GPM6A: variants seen among roughly 807,000 people sequenced by gnomAD.
GPM6A encodes neuronal membrane glycoprotein M6-a.
A neutral mutation model predicts 32.1 loss-of-function variants in GPM6A; 7 were observed. The ratio of observed to expected loss-of-function variants is 0.22; its 90% CI spans 0.12 to 0.41. GPM6A has a LOEUF of 0.41. GPM6A is among the 10% of genes least tolerant of loss of function. The pLI is 1.00. For missense variants in GPM6A, 235 were observed against 347.2 expected, an observed-to-expected ratio of 0.68 and a Z score of 2.57; for synonymous variants, 130 against 123.4, an observed-to-expected ratio of 1.05 and a Z score of -0.35.
At chr4:175,708,793 A>G (rs1745361443) in intron 1 of GPM6A, among the ~76,000 whole-genome samples, 3 of 152,186 alleles carry the variant, frequency 2.0e-5, no homozygotes, top group Non-Finnish European at 4.4e-5. Flanking sequence ...CAATATGTTA[A>G]TGAATGTCTT....
At chr4:175,703,874 A>G (rs190706980) in intron 1 of GPM6A, among the ~76,000 whole-genome samples, 34 of 152,134 alleles carry the variant, frequency 2.2e-4, no homozygotes, top group African/African-American at 7.2e-4. Context: ...ACACACACAT[A>G]TCCTCATTCC....
intron 2 of GPM6A, among the ~76,000 whole-genome samples, chr4:175,679,320 A>G (rs747693891): frequency 1.3e-5 from 2 of 152,138 alleles, no homozygotes; most frequent in Non-Finnish European, 2.9e-5. Flanking sequence ...TGGCTAGAAT[A>G]CTATACAAGC....
intron 4 of GPM6A, among the ~76,000 whole-genome samples, chr4:175,648,981 C>T (rs1341612136): frequency 6.6e-6 from 1 of 152,216 alleles, no homozygotes; most frequent in African/African-American, 2.4e-5. Context: ...ATCCTTTATT[C>T]TGTCTACTTA....
At chr4:175,959,539 A>C (rs1180133471) in intron 1 of GPM6A, among the ~76,000 whole-genome samples, 1 of 152,176 alleles carries the variant, frequency 6.6e-6, no homozygotes, top group Non-Finnish European at 1.5e-5. Context: ...GGATGAGAAG[A>C]GCATCAGAGC....
chr4:175,949,015 A>G (rs112881056), intron 1 of GPM6A, among the ~76,000 whole-genome samples: 5 of 143,932 alleles, frequency 3.5e-5, no homozygotes, highest in African/African-American at 5.0e-5. Flanking sequence ...TGGTGGAGGG[A>G]TGAGGTAGAT....
chr4:175,992,834 A>G (rs1276889063), intron 1 of GPM6A, among the ~76,000 whole-genome samples: 2 of 152,230 alleles, frequency 1.3e-5, no homozygotes, highest in Non-Finnish European at 2.9e-5. Flanking sequence ...ATACTGTATT[A>G]TATCACAATT....
At chr4:175,800,144 A>G (rs1734417269) in intron 1 of GPM6A, among the ~76,000 whole-genome samples, 1 of 152,164 alleles carries the variant, frequency 6.6e-6, no homozygotes, top group Non-Finnish European at 1.5e-5. Context: ...AATAATTCCA[A>G]TAACTGTATA....
upstream of GPM6A, chr4:175,812,929 T>G: frequency 1.0e-6 from 1 of 985,408 alleles, no homozygotes; most frequent in Non-Finnish European, 1.2e-6. Context: ...CTGCAAAAGT[T>G]TATTACTAAG....
At chr4:175,732,796 T>C (rs774313141) in intron 1 of GPM6A, among the ~76,000 whole-genome samples, 1 of 152,224 alleles carries the variant, frequency 6.6e-6, no homozygotes, top group Non-Finnish European at 1.5e-5. Context: ...CTCAGAGAAA[T>C]ATTATGATAT....
At chr4:175,936,012 A>T (rs1210513805) in intron 1 of GPM6A, among the ~76,000 whole-genome samples, 1 of 151,968 alleles carries the variant, frequency 6.6e-6, no homozygotes, top group African/African-American at 2.4e-5. Context: ...AAAATAAAAA[A>T]AATTAAAAAA....
chr4:175,640,063 A>G, intron 6 of GPM6A, 66 bp downstream of exon 6: 1 of 1,221,656 alleles, frequency 8.2e-7, no homozygotes, highest in East Asian at 2.3e-5. Flanking sequence ...ATAGTTTATC[A>G]TCTCTACAAG....
chr4:175,947,657 T>C (rs1227653048), intron 1 of GPM6A: 1 of 152,128 alleles, frequency 6.6e-6, no homozygotes. Context: ...CATTTGTTTC[T>C]CCAGATGAAT....
chr4:175,696,888 C>T (rs1024607776), intron 2 of GPM6A, among the ~76,000 whole-genome samples: 5 of 152,064 alleles, frequency 3.3e-5, no homozygotes, highest in Admixed American at 1.3e-4. Context: ...GATATAAACC[C>T]ACCCGAAGTT....
At chr4:175,833,750 C>T (rs1735684595) in intron 1 of GPM6A, among the ~76,000 whole-genome samples, 1 of 151,994 alleles carries the variant, frequency 6.6e-6, no homozygotes. Flanking sequence ...GCCTAACCAC[C>T]AGTCACAAAT....
At chr4:175,814,499 T>C (rs1380671917), upstream of GPM6A, among the ~76,000 whole-genome samples, 1 of 152,144 alleles carries the variant, frequency 6.6e-6, no homozygotes, top group East Asian at 1.9e-4. Context: ...TCACCACACA[T>C]ATAAAGCAAA....
chr4:175,886,684 A>G lies in GPM6A; in HGVS notation c.-22-74435T>C, dbSNP rs77820831. 5.9e-3 allele frequency among the ~76,000 whole-genome samples: 884 copies of G among 150,796 alleles called. 5 individuals are homozygous for G. Among genetic ancestry groups the G allele is most frequent in the African/African-American group, 0.02 (833 of 41,030 alleles). Reference sequence around the variant, plus strand: ...ATTTGATCAACGAAATACAACAGAGAAAAAAAAAGAGGAAAATGGTAAAGG... The same window carrying G: ...ATTTGATCAACGAAATACAACAGAGGAAAAAAAAGAGGAAAATGGTAAAGG... On this transcript the variant is annotated intron_variant, in intron 1 of 7. Transcript: ENST00000280187.
chr4:175,999,914 T>G (rs1462983557), intron 1 of GPM6A, among the ~76,000 whole-genome samples: 1 of 152,194 alleles, frequency 6.6e-6, no homozygotes, highest in Middle Eastern at 3.2e-3. Context: ...GTTTTATTTT[T>G]CATAAGTAAA....
chr4:175,890,525 TTTATG>T (rs796985942), intron 1 of GPM6A, among the ~76,000 whole-genome samples: 8,144 of 52,050 alleles, frequency 0.16, 410 homozygotes, highest in East Asian at 0.5. Flanking sequence ...TTTATTTTAT[TTTATG>T]TTATGCTATG....
At chr4:175,825,853 C>T (rs1735416985) in intron 1 of GPM6A, among the ~76,000 whole-genome samples, 1 of 152,024 alleles carries the variant, frequency 6.6e-6, no homozygotes, top group Non-Finnish European at 1.5e-5. Context: ...ATTTTCAAGT[C>T]AAGTTGAAGA....
Sources: allele counts gnomAD v4.1 joint callset (sites outside exome capture counted in the v4.1 genomes callset), GRCh38; gene constraint gnomAD v4.1.1; transcripts MANE v1.5; gene names NCBI Gene and HGNC (gene_info 2026-07-23, HGNC 2026-07-21).